The following TBX1 variants were observed in gnomAD, a reference collection of about 807,000 sequenced individuals.
TBX1 encodes the protein T-box transcription factor 1.
Under a neutral mutation model 40.8 loss-of-function variants are expected in TBX1, and 16 were observed. The ratio of observed to expected loss-of-function variants is 0.39; its 90% CI spans 0.27 to 0.60. TBX1 has a LOEUF of 0.60. Among genes scored for constraint, TBX1 ranks in the 20% least tolerant of loss-of-function variants. The pLI, the probability that TBX1 is intolerant of heterozygous loss-of-function variation, is 0.51. For missense variants in TBX1, 755 were observed against 728.5 expected (o/e 1.04, Z -0.42); for synonymous variants, 403 against 336.8 (o/e 1.20, Z -2.15).
downstream of TBX1, among the ~76,000 whole-genome samples, chr22:19,769,571 A>G (rs1936953683): frequency 2.0e-5 from 3 of 152,220 alleles, no homozygotes; most frequent in Admixed American, 2.0e-4. Flanking sequence ...TCAGTCCTCA[A>G]CCAGTGCCCA....
chr22:19,762,505 T>C (rs1936702232), intron 1 of TBX1, among the ~76,000 whole-genome samples: 1 of 152,236 alleles, frequency 6.6e-6, no homozygotes, highest in African/African-American at 2.4e-5. Context: ...CACTGCAGAA[T>C]GTCCTTTCAA....
intron 4 of TBX1, 121 bp from the exon 5 acceptor site, chr22:19,765,637 C>A: frequency 9.0e-7 from 1 of 1,111,506 alleles, no homozygotes; most frequent in South Asian, 1.4e-5. Flanking sequence ...TGGACTGGTT[C>A]TTGTCAGGGC....
chr22:19,761,604 C>G (rs988221881), intron 1 of TBX1, among the ~76,000 whole-genome samples: 9 of 152,010 alleles, frequency 5.9e-5, no homozygotes, highest in Non-Finnish European at 1.0e-4. Context: ...GAAACCGGCC[C>G]GGCTTGGGGC....
chr22:19,763,274 C>A lies in TBX1; in HGVS notation c.471C>A (p.Phe157Leu). Reference protein sequence around the residue: ...RMFPTFQVKLFGMDPMADYML... With the variant: ...RMFPTFQVKLLGMDPMADYML... Reference sequence around the variant, plus strand: ...TTCCCACCTTCCAAGTGAAGCTCTTCGGCATGGATCCCATGGCCGACTATA... The same window carrying A: ...TTCCCACCTTCCAAGTGAAGCTCTTAGGCATGGATCCCATGGCCGACTATA... The change falls in exon 2 of 7, where the codon TTC becomes TTA. Residue 157 changes from phenylalanine (F) to leucine (L), a missense_variant. Around this residue, in one of 3 missense-constraint regions of TBX1, gnomAD observed 144 missense variants for 238.0 expected, o/e 0.61. Transcript: ENST00000649276. 2 of 1,614,198 alleles carry A rather than the reference C, an allele frequency of 1.2e-6. No homozygotes were observed. Among genetic ancestry groups the A allele is most frequent in the Non-Finnish European group, 1.7e-6 (2 of 1,180,014 alleles).
At chr22:19,769,863 C>T (rs1491002691), downstream of TBX1, among the ~76,000 whole-genome samples, 1 of 152,242 alleles carries the variant, frequency 6.6e-6, no homozygotes, top group Non-Finnish European at 1.5e-5. Context: ...AATAACTGTC[C>T]ATTGTTGATA....
chr22:19,766,588 G>C lies in TBX1; in HGVS notation c.1236G>C (p.Glu412Asp). ...CCCCGAACCCCGAGCTGCGCCTGGAGGCGCCCGGCGCATCGGAGCCGCTGC... is the reference window on the plus strand; with the variant it reads ...CCCCGAACCCCGAGCTGCGCCTGGACGCGCCCGGCGCATCGGAGCCGCTGC... The part of the protein sequence containing the change: ...PSPPNPELRL[E>D]APGASEPLHH... Residue 412 changes from glutamate (E) to aspartate (D), a missense_variant, in exon 7 of 7, where the codon GAG becomes GAC. Physicochemically the swap from Glu to Asp is conservative, Grantham distance 45 (BLOSUM62 2). Around this residue, in one of 3 missense-constraint regions of TBX1, gnomAD observed 412 missense variants for 317.6 expected, o/e 1.30. Coordinates refer to ENST00000649276, the MANE Select transcript of TBX1 (RefSeq NM_001379200.1). 1 of 1,476,136 alleles carries C rather than the reference G, an allele frequency of 6.8e-7. No homozygotes were observed. The highest frequency in any genetic ancestry group is 8.9e-7 in the Non-Finnish European group (1 of 1,118,212). The allele number at this position is 1,476,136 out of a possible 1,614,324, so 91.4% of individuals were successfully genotyped here.
rs1182771166 is a variant in TBX1 at position 19,765,077 on chromosome 22, A to T, written c.831A>T (p.Thr277=). 6.2e-6 allele frequency: 10 copies of T among 1,614,126 alleles called. No individual in the cohort carries two copies. The highest frequency in any genetic ancestry group is 1.7e-5 in the Admixed American group (1 of 60,012). Residue 277 remains threonine (T), a synonymous_variant, in exon 4 of 7, where the codon ACA becomes ACT. Transcript: ENST00000649276. ...ENFKTFVFEE[T]RFTAVTAYQN... Reference sequence around the variant, plus strand: ...TCAAAACCTTTGTGTTCGAGGAGACACGATTCACCGCGGTCACTGCCTACC... The same window carrying T: ...TCAAAACCTTTGTGTTCGAGGAGACTCGATTCACCGCGGTCACTGCCTACC...
At chr22:19,777,998 G>T (rs530064954) in intron 8 of TBX1, among the ~76,000 whole-genome samples, 10 of 152,186 alleles carry the variant, frequency 6.6e-5, no homozygotes, top group African/African-American at 2.4e-4. Flanking sequence ...GAGCTCAAGT[G>T]ATCCTCTTGC....
chr22:19,765,969 G>A lies in TBX1; in HGVS notation c.1003G>A (p.Ala335Thr), dbSNP rs892172437. ...CTTCGCGCGCTCGCGGAACCCCGTGGCTTCCCCGACGCAGCCCAGCGGCAC... is the reference window on the plus strand; with the variant it reads ...CTTCGCGCGCTCGCGGAACCCCGTGACTTCCCCGACGCAGCCCAGCGGCAC... ...SAFARSRNPV[A>T]SPTQPSGTEK... Residue 335 changes from alanine (A) to threonine (T), a missense_variant, in exon 6 of 7, where the codon GCT becomes ACT. Around this residue, in one of 3 missense-constraint regions of TBX1, gnomAD observed 412 missense variants for 317.6 expected, o/e 1.30. Coordinates refer to ENST00000649276, the MANE Select transcript of TBX1 (RefSeq NM_001379200.1). 4.0e-6 allele frequency: 6 copies of A among 1,517,882 alleles called. No homozygotes were observed. In the African/African-American group the frequency reaches 5.7e-5, roughly 14 times the overall value. 94.0% of individuals were successfully genotyped at this position (1,517,882 alleles called of 1,614,324 possible).
In TBX1 at chr22:19,761,296, C is replaced by A; in HGVS notation, c.437+16C>A. On this transcript the variant is annotated intron_variant, in intron 1 of 6. Transcript: ENST00000649276. ...AGGCCGGCAGGTCAGGGCGCCCCTC[C>A]CCACGCCGCGACCCTCCCCACGTGC... is the stretch of plus-strand genomic sequence containing the variant. The A allele has an allele frequency of 6.5e-7, 1 of 1,537,562 alleles. No homozygotes were observed. Among genetic ancestry groups the A allele is most frequent in the Non-Finnish European group, 8.8e-7 (1 of 1,138,994 alleles).
chr22:19,761,628 G>A (rs1295975468), intron 1 of TBX1, among the ~76,000 whole-genome samples: 1 of 152,128 alleles, frequency 6.6e-6, no homozygotes, highest in Non-Finnish European at 1.5e-5. Context: ...CCCGGCTGGG[G>A]GCAGGCAGCG....
In TBX1 at chr22:19,766,684, C is replaced by T. The variant is rs1482655039; in HGVS notation, c.1332C>T (p.Pro444=). ...TCGGGGCCAAGAGCCGGCCGGCGCCCTACCCGCTGCCCGGCCTGCGTGGCC... is the reference window on the plus strand; with the variant it reads ...TCGGGGCCAAGAGCCGGCCGGCGCCTTACCCGCTGCCCGGCCTGCGTGGCC... ...HYLGAKSRPA[P]YPLPGLRGHG... The change falls in exon 7 of 7, where the codon CCC becomes CCT. Residue 444 remains proline (P), a synonymous_variant. Coordinates refer to ENST00000649276, the MANE Select transcript of TBX1 (RefSeq NM_001379200.1). 1.3e-6 allele frequency: 2 copies of T among 1,549,084 alleles called. No homozygotes were observed. Among genetic ancestry groups the T allele is most frequent in the East Asian group, 2.6e-5 (1 of 38,850 alleles).
intron 6 of TBX1, 189 bp from the exon 7 acceptor site, chr22:19,766,200 G>T: frequency 2.2e-6 from 2 of 908,180 alleles, no homozygotes; most frequent in Non-Finnish European, 2.7e-6. Flanking sequence ...GCCGCCGCCC[G>T]CAGAGGGGCG....
chr22:19,766,312 G>T (rs966663161), intron 6 of TBX1, 77 bp from the exon 7 acceptor site: 87 of 1,221,088 alleles, frequency 7.1e-5, no homozygotes, highest in Non-Finnish European at 8.1e-5. Context: ...CCTTCTCTCC[G>T]CCAGGGCCTC....
chr22:19,757,225 G>T (rs1364868130), upstream of TBX1, among the ~76,000 whole-genome samples: 1 of 152,166 alleles, frequency 6.6e-6, no homozygotes, highest in African/African-American at 2.4e-5. Context: ...GTTGACCAGG[G>T]TTTCCTCCAC....
At chr22:19,779,539 G>A in exon 9 of TBX1, 1 of 1,519,038 alleles carries the variant, frequency 6.6e-7, no homozygotes. Context: ...TGCATGTTTT[G>A]TAATAAATAC....
At position 19,761,100 on chromosome 22, in the gene TBX1, G is replaced by T; in HGVS notation, c.257G>T (p.Gly86Val). Residue 86 changes from glycine to valine, a missense_variant, in exon 1 of 7, where the codon GGG becomes GTG. By Grantham distance (109) the Gly-to-Val change is moderately radical. This residue lies in a region of TBX1 where 199 missense variants were observed against 173.0 expected (regional missense o/e 1.15). Coordinates refer to ENST00000649276, the MANE Select transcript of TBX1 (RefSeq NM_001379200.1). Reference sequence around the variant, plus strand: ...GCCTACCCGTTTGCGCCGGCCGCCGGGGCCGCCACCAGCGCCGCCGCCGAG... The same window carrying T: ...GCCTACCCGTTTGCGCCGGCCGCCGTGGCCGCCACCAGCGCCGCCGCCGAG... The part of the protein sequence containing the change: ...PHAYPFAPAA[G>V]AATSAAAEPE... The T allele has an allele frequency of 8.7e-7, 1 of 1,154,300 alleles. No homozygotes were observed. The allele number at this position is 1,154,300 out of a possible 1,614,324, so 71.5% of individuals were successfully genotyped here.
chr22:19,761,600 G>T (rs913306848), intron 1 of TBX1, among the ~76,000 whole-genome samples: 3 of 152,004 alleles, frequency 2.0e-5, no homozygotes, highest in African/African-American at 7.2e-5. Flanking sequence ...CCCAGAAACC[G>T]GCCCGGCTTG....
intron 8 of TBX1, among the ~76,000 whole-genome samples, chr22:19,778,816 G>A (rs1275681621): frequency 2.0e-5 from 3 of 152,150 alleles, no homozygotes. Flanking sequence ...CTACTTGGGA[G>A]GCTGAGGCAG....
Sources: allele counts gnomAD v4.1 joint callset (sites outside exome capture counted in the v4.1 genomes callset), GRCh38; gene constraint gnomAD v4.1.1; regional missense constraint gnomAD v4.1.1; transcripts MANE v1.5; gene names NCBI Gene and HGNC (gene_info 2026-07-23, HGNC 2026-07-21).